The following FGFR4 variants were observed in gnomAD, a reference collection of about 807,000 sequenced individuals.
FGFR4 encodes the protein hydroxyaryl-protein kinase.
Under a neutral mutation model 89.9 loss-of-function variants are expected in FGFR4, and 63 were observed. The ratio of observed to expected loss-of-function variants is 0.70; its 90% confidence interval spans 0.57 to 0.86. The LOEUF (loss-of-function observed/expected upper bound fraction) is 0.86, where lower values mean the gene tolerates loss of function less well. Among genes scored for constraint, FGFR4 ranks in the 40% least tolerant of loss-of-function variants. The pLI, the probability that FGFR4 is intolerant of heterozygous loss-of-function variation, is 0.00. For synonymous variants in FGFR4, 486 were observed against 479.4 expected, an observed-to-expected ratio of 1.01 and a Z score of -0.18; for missense variants, 928 against 1,106.7, an observed-to-expected ratio of 0.84 and a Z score of 2.29.
In FGFR4 at chr5:177,092,308, G is replaced by A. The variant is rs376858789; in HGVS notation, c.728-13G>A. 2.6e-3 allele frequency: 4,050 copies of A among 1,545,314 alleles called. 6 individuals carry two copies. The highest frequency in any genetic ancestry group is 3.4e-3 in the Non-Finnish European group (3,829 of 1,141,764). ...GCCGGTGGTCAGGGTTGACTGTCTC[G>A]CCCGGTCCCCAGAGCGGTCCCCGCA... On this transcript the variant is annotated splice_polypyrimidine_tract_variant and intron_variant, in intron 6 of 17. Transcript: ENST00000292408.
In FGFR4 at chr5:177,095,449, G is replaced by T. The variant is rs771541909; in HGVS notation, c.1630+9G>T. 6.2e-7 allele frequency: 1 copy of T among 1,614,136 alleles called. No homozygotes were observed. ...TGTCTGCACCCAGGAAGGTGGGGCCGAGGCGGGGCTGGCTGCACGGGCCGT... is the reference window on the plus strand; with the variant it reads ...TGTCTGCACCCAGGAAGGTGGGGCCTAGGCGGGGCTGGCTGCACGGGCCGT... On this transcript the variant is annotated intron_variant, in intron 12 of 17. Coordinates refer to ENST00000292408, the MANE Select transcript of FGFR4 (RefSeq NM_213647.3). The surrounding 1 kb of genome is among the most constrained non-coding windows in gnomAD (Gnocchi z 5.7).
At chr5:177,091,865 C>G in intron 6 of FGFR4, 57 bp downstream of exon 6, 2 of 1,603,216 alleles carry the variant, frequency 1.2e-6, no homozygotes, top group Non-Finnish European at 1.7e-6. Flanking sequence ...CAGTTGTGCC[C>G]TCTTGGTGGG....
Position 177,089,563 on chromosome 5 carries a change from G to A in FGFR4, c.-40G>A, listed in dbSNP as rs1171453460. 3.8e-6 allele frequency: 6 copies of A among 1,591,410 alleles called. No individual in the cohort carries two copies. Among genetic ancestry groups the A allele is most frequent in the Non-Finnish European group, 5.1e-6 (6 of 1,168,074 alleles). ...TCCCTATTTTAGGAAGGCAGTTGGT[G>A]GGAAGTCCAGCTTGGGTCCCTGAGA... On this transcript the variant is annotated 5_prime_UTR_variant, in exon 2 of 18. Coordinates refer to ENST00000292408, the MANE Select transcript of FGFR4 (RefSeq NM_213647.3).
chr5:177,090,768 G>A lies in FGFR4; in HGVS notation c.379G>A (p.Asp127Asn), dbSNP rs142240686. Residue 127 changes from aspartate to asparagine, a missense_variant, in exon 4 of 18, where the codon GAT (aspartate) becomes AAT (asparagine). This residue lies in a region of FGFR4 where 741 missense variants were observed against 836.9 expected (regional missense o/e 0.89). Coordinates refer to ENST00000292408, the MANE Select transcript of FGFR4 (RefSeq NM_213647.3). Reference protein sequence around the residue: ...TGDSLTSSNDDEDPKSHRDPS... With the variant: ...TGDSLTSSNDNEDPKSHRDPS... ...AGACTCCTTGACCTCCAGCAACGAT[G>A]ATGAGGACCCCAAGTCCCATAGGGA... 8 of 1,610,642 alleles carry A rather than the reference G, an allele frequency of 5.0e-6. No homozygotes were observed. Among genetic ancestry groups the A allele is most frequent in the Non-Finnish European group, 5.1e-6 (6 of 1,177,534 alleles).
rs1321235401 is a variant in FGFR4, at chr5:177,093,810, A to T, written c.1519+35A>T. Reference sequence around the variant, plus strand: ...GCCCGGTGTGGTGGCTCACACCTGTAACGCCAGCACTTTAGGAGGCTGAGG... The same window carrying T: ...GCCCGGTGTGGTGGCTCACACCTGTTACGCCAGCACTTTAGGAGGCTGAGG... On this transcript the variant is annotated intron_variant, in intron 11 of 17. Transcript: ENST00000292408. This position sits in a 1 kb window ranked among gnomAD's most constrained non-coding sequence, Gnocchi z 5.8. 6.3e-7 allele frequency: 1 copy of T among 1,592,380 alleles called. No homozygotes were observed. The highest frequency in any genetic ancestry group is 8.6e-7 in the Non-Finnish European group (1 of 1,165,592).
chr5:177,090,159 GGCCAC>G, intron 2 of FGFR4: 1 of 667,292 alleles, frequency 1.5e-6, no homozygotes, highest in Non-Finnish European at 2.7e-6. Flanking sequence ...TGTGTGTCTT[GGCCAC>G]TGTCGTGTGC....
rs2149738160 is a variant in FGFR4, at chr5:177,095,745, G to C, written c.1821+22G>C. The C allele has an allele frequency of 1.3e-6, 2 of 1,556,100 alleles. No homozygotes were observed. The highest frequency in any genetic ancestry group is 1.7e-6 in the Non-Finnish European group (2 of 1,153,050). ...GAAGGTACAGGCGCTAGGGCTCTGA[G>C]CCCCTCTCAGTCTCTCCAGCTCCAC... On this transcript the variant is annotated intron_variant, in intron 13 of 17. Transcript: ENST00000292408. The surrounding 1 kb of genome is among the most constrained non-coding windows in gnomAD (Gnocchi z 5.7).
Position 177,094,869 on chromosome 5 carries a change from G to A in FGFR4, c.1520-461G>A, listed in dbSNP as rs374971036. 3.5e-5 allele frequency: 6 copies of A among 172,910 alleles called. No individual in the cohort carries two copies. The South Asian group carries it at 7.0e-4, about 20-fold the overall frequency. 10.7% of individuals were successfully genotyped at this position (172,910 alleles called of 1,614,324 possible). ...GCTCCCCGGCTGCACCCGGCCTGCC[G>A]CCAGCTCCCTGAATTCCCAGGCCAG... is the stretch of plus-strand genomic sequence containing the variant. On this transcript the variant is annotated intron_variant, in intron 11 of 17. Transcript: ENST00000292408.
rs192201146 is a variant in FGFR4, at chr5:177,097,533, G to A, written c.2266G>A (p.Asp756Asn). 10 of 1,612,840 alleles carry A rather than the reference G, an allele frequency of 6.2e-6. No individual in the cohort carries two copies. The highest frequency in any genetic ancestry group is 4.5e-5 in the East Asian group (2 of 44,772). ...CCAGCTCCGTTCCCCACAGTACCTC[G>A]ACCTCCGCCTGACCTTCGGACCCTA... ...VLLAVSEEYL[D>N]LRLTFGPYSP... Residue 756 changes from aspartate to asparagine, a missense_variant, in exon 18 of 18, where the codon GAC (aspartate) becomes AAC (asparagine). Coordinates refer to ENST00000292408, the MANE Select transcript of FGFR4 (RefSeq NM_213647.3).
In FGFR4 at chr5:177,093,788, C is replaced by T. The variant is rs200454196; in HGVS notation, c.1519+13C>T. The T allele has an allele frequency of 1.2e-4, 186 of 1,607,240 alleles. No individual in the cohort carries two copies. In the East Asian group the frequency reaches 1.2e-3, roughly 10 times the overall value. ...AAGATGCTCAAAGGTGAGTGTGGCC[C>T]GGTGTGGTGGCTCACACCTGTAACG... On this transcript the variant is annotated intron_variant, in intron 11 of 17. Coordinates refer to ENST00000292408, the MANE Select transcript of FGFR4 (RefSeq NM_213647.3). The surrounding 1 kb of genome is among the most constrained non-coding windows in gnomAD (Gnocchi z 5.8).
At position 177,097,743 on chromosome 5, in the gene FGFR4, G is replaced by A. The variant is rs1011620429; in HGVS notation, c.*67G>A. 4 of 1,566,446 alleles carry A rather than the reference G, an allele frequency of 2.6e-6. No homozygotes were observed. Among genetic ancestry groups the A allele is most frequent in the African/African-American group, 2.7e-5 (2 of 73,878 alleles). ...GGGCCTTGGGGCTCAGCCACAGCCTGACACAGTGCTCGACCTTGATAGCAT... is the reference window on the plus strand; with the variant it reads ...GGGCCTTGGGGCTCAGCCACAGCCTAACACAGTGCTCGACCTTGATAGCAT... On this transcript the variant is annotated 3_prime_UTR_variant, in exon 18 of 18. Transcript: ENST00000292408.
In FGFR4 at chr5:177,095,978, C is replaced by G. The variant is rs1784545389; in HGVS notation, c.1822-79C>G. Reference sequence around the variant, plus strand: ...TGTAAAGTGGGTGGAGGGCCCCTGCCCCCGGGCCTGCTGGGGGGTGGTGTG... The same window carrying G: ...TGTAAAGTGGGTGGAGGGCCCCTGCGCCCGGGCCTGCTGGGGGGTGGTGTG... On this transcript the variant is annotated intron_variant, in intron 13 of 17. Coordinates refer to ENST00000292408, the MANE Select transcript of FGFR4 (RefSeq NM_213647.3). The surrounding 1 kb of genome is among the most constrained non-coding windows in gnomAD (Gnocchi z 5.7). 1.2e-5 allele frequency: 19 copies of G among 1,540,646 alleles called. No homozygotes were observed. The highest frequency in any genetic ancestry group is 1.7e-5 in the Non-Finnish European group (19 of 1,143,584).
Position 177,097,810 on chromosome 5 carries a change from G to A in FGFR4, c.*134G>A, listed in dbSNP as rs570105118. 4.2e-5 allele frequency: 48 copies of A among 1,138,660 alleles called. No homozygotes were observed. The highest frequency in any genetic ancestry group is 2.3e-4 in the East Asian group (9 of 38,768). The allele number at this position is 1,138,660 out of a possible 1,614,324, so 70.5% of individuals were successfully genotyped here. On this transcript the variant is annotated 3_prime_UTR_variant, in exon 18 of 18. Transcript: ENST00000292408. ...AGTTGCTGTGCCGTGTCCAAGGGCC[G>A]TGCCCTTGCCCTTGGAGCTGCCGTG...
chr5:177,087,443 G>T lies in FGFR4; in HGVS notation c.-54+366G>T. ...GTCTTCGCGCCGGCGGCAGAGATGA[G>T]GGACCTGAGGCCCCGAAAAGTTCAG... On this transcript the variant is annotated intron_variant, in intron 1 of 17. Coordinates refer to ENST00000292408, the MANE Select transcript of FGFR4 (RefSeq NM_213647.3). The surrounding 1 kb of genome is among the most constrained non-coding windows in gnomAD (Gnocchi z 6.1). 3.4e-6 allele frequency: 1 copy of T among 292,540 alleles called. No homozygotes were observed. Among genetic ancestry groups the T allele is most frequent in the Non-Finnish European group, 5.1e-6 (1 of 196,814 alleles). 18.1% of individuals were successfully genotyped at this position (292,540 alleles called of 1,614,324 possible).
chr5:177,089,231 T>C (rs1784265732), intron 1 of FGFR4, among the ~76,000 whole-genome samples: 1 of 152,230 alleles, frequency 6.6e-6, no homozygotes, highest in African/African-American at 2.4e-5. Flanking sequence ...GCCGAGAGCA[T>C]GCAGAAGATA....
At position 177,093,403 on chromosome 5, in the gene FGFR4, C is replaced by T. The variant is rs2149735687; in HGVS notation, c.1252-3C>T. On this transcript the variant is annotated splice_region_variant and splice_polypyrimidine_tract_variant and intron_variant, in intron 9 of 17. Coordinates refer to ENST00000292408, the MANE Select transcript of FGFR4 (RefSeq NM_213647.3). This position sits in a 1 kb window ranked among gnomAD's most constrained non-coding sequence, Gnocchi z 5.8. ...AGGCAGAACCAAGTCTCCCACTTTG[C>T]AGTTCTCCCTGGAGTCAGGCTCTTC... is the stretch of plus-strand genomic sequence containing the variant. 6.2e-7 allele frequency: 1 copy of T among 1,614,122 alleles called. No homozygotes were observed. The highest frequency in any genetic ancestry group is 8.5e-7 in the Non-Finnish European group (1 of 1,179,950).
At chr5:177,092,906 T>C (rs747455535) in intron 8 of FGFR4, 122 bp downstream of exon 8, 3 of 1,502,812 alleles carry the variant, frequency 2.0e-6, no homozygotes, top group Admixed American at 3.7e-5. Context: ...GGGCAGTGTG[T>C]GGATTTGTGG....
At position 177,096,348 on chromosome 5, in the gene FGFR4, A is replaced by G; in HGVS notation, c.2006A>G (p.Gln669Arg). ...EALFDRVYTHQSDVWSFGILL... is the reference protein window; with the variant it reads ...EALFDRVYTHRSDVWSFGILL... Reference sequence around the variant, plus strand: ...TTGTTTGACCGGGTGTACACACACCAGAGTGACGTGTGAGTCCTGCCGGCG... The same window carrying G: ...TTGTTTGACCGGGTGTACACACACCGGAGTGACGTGTGAGTCCTGCCGGCG... Residue 669 changes from glutamine to arginine, a missense_variant, in exon 15 of 18, where the codon CAG (glutamine) becomes CGG (arginine). Coordinates refer to ENST00000292408, the MANE Select transcript of FGFR4 (RefSeq NM_213647.3). 1 of 1,613,984 alleles carries G rather than the reference A, an allele frequency of 6.2e-7. No individual in the cohort carries two copies. Among genetic ancestry groups the G allele is most frequent in the Non-Finnish European group, 8.5e-7 (1 of 1,179,984 alleles).
rs754440305 is a variant in FGFR4, at chr5:177,095,595, C to T, written c.1693C>T (p.Arg565Trp). ...KGNLREFLRA[R>W]RPPGPDLSPD... ...AAACCTGCGGGAGTTCCTGCGGGCC[C>T]GGCGCCCCCCAGGCCCCGACCTCAG... Residue 565 changes from arginine (R) to tryptophan (W), a missense_variant, in exon 13 of 18, where the codon CGG becomes TGG. Arg to Trp is a moderately radical substitution (Grantham distance 101). This residue lies in a region of FGFR4 where 741 missense variants were observed against 836.9 expected (regional missense o/e 0.89). Coordinates refer to ENST00000292408, the MANE Select transcript of FGFR4 (RefSeq NM_213647.3). The surrounding 1 kb of genome is among the most constrained non-coding windows in gnomAD (Gnocchi z 5.7). The T allele has an allele frequency of 8.1e-6, 13 of 1,606,240 alleles. No individual in the cohort carries two copies. The highest frequency in any genetic ancestry group is 4.5e-5 in the East Asian group (2 of 44,554).
Sources: gnomAD v4.1 joint callset for allele counts (sites outside exome capture counted in the v4.1 genomes callset) on GRCh38, gnomAD v4.1.1 for gene constraint, gnomAD v4.1.1 regional missense constraint, Gnocchi (gnomAD v3.1) non-coding constraint, MANE v1.5 for transcripts, NCBI Gene and HGNC (gene_info 2026-07-23, HGNC 2026-07-21) for gene names.